The following ZNF385D variants were observed in gnomAD, a reference collection of about 807,000 sequenced individuals.
The protein encoded by ZNF385D is zinc finger protein 385D.
In ZNF385D, 15 loss-of-function variants were observed where a neutral mutation model predicts 35.8. The ratio of observed to expected loss-of-function variants is 0.42; its 90% CI spans 0.28 to 0.64. ZNF385D has a LOEUF of 0.64. ZNF385D is among the 30% of genes least tolerant of loss of function. The pLI, the probability that ZNF385D is intolerant of heterozygous loss-of-function variation, is 0.23. For missense variants in ZNF385D, 474 were observed against 494.6 expected, an observed-to-expected ratio of 0.96 and a Z score of 0.39; for synonymous variants, 212 against 186.8, an observed-to-expected ratio of 1.13 and a Z score of -1.10.
intron 3 of ZNF385D, among the ~76,000 whole-genome samples, chr3:21,931,326 A>C (rs757236222): frequency 6.6e-6 from 1 of 152,214 alleles, no homozygotes; most frequent in Non-Finnish European, 1.5e-5. Context: ...AGACACCAGA[A>C]CTGCACACAT....
chr3:21,722,586 A>C (rs1265204513), intron 1 of ZNF385D, among the ~76,000 whole-genome samples: 1 of 152,190 alleles, frequency 6.6e-6, no homozygotes, highest in Non-Finnish European at 1.5e-5. Flanking sequence ...AGTGCCTCTG[A>C]TATTCAGTGT....
chr3:21,984,078 T>G (rs1346448098), intron 3 of ZNF385D, among the ~76,000 whole-genome samples: 2 of 133,120 alleles, frequency 1.5e-5, no homozygotes, highest in Non-Finnish European at 3.1e-5. Flanking sequence ...CTTTGTCAGA[T>G]GAGTAGGTTG....
intron 3 of ZNF385D, among the ~76,000 whole-genome samples, chr3:21,903,527 T>A (rs1699521802): frequency 6.6e-6 from 1 of 152,142 alleles, no homozygotes; most frequent in Non-Finnish European, 1.5e-5. Flanking sequence ...AAATCAAAAT[T>A]GATGGCTGCT....
intron 2 of ZNF385D, 81 bp downstream of exon 2, chr3:21,664,805 A>G: frequency 1.2e-5 from 19 of 1,577,942 alleles, no homozygotes; most frequent in Non-Finnish European, 1.6e-5. Context: ...AAATGGAGGC[A>G]GTGGCCGAAC....
At chr3:21,481,426 A>G (rs1054851756) in intron 4 of ZNF385D, among the ~76,000 whole-genome samples, 11 of 152,174 alleles carry the variant, frequency 7.2e-5, no homozygotes, top group African/African-American at 2.7e-4. Flanking sequence ...ATTCTCCTCT[A>G]AAATGCCCCA....
At chr3:22,045,147 C>A (rs1698908861) in intron 3 of ZNF385D, among the ~76,000 whole-genome samples, 1 of 151,718 alleles carries the variant, frequency 6.6e-6, no homozygotes, top group East Asian at 1.9e-4. Context: ...TTCCCTGTGC[C>A]TTTTGGGTCA....
intron 2 of ZNF385D, among the ~76,000 whole-genome samples, chr3:21,570,261 C>G (rs916022400): frequency 2.0e-5 from 3 of 152,084 alleles, no homozygotes; most frequent in Non-Finnish European, 4.4e-5. Context: ...GACTGAAGAA[C>G]CTTTGCATTT....
At chr3:22,240,100 C>G (rs941742818) in intron 2 of ZNF385D, among the ~76,000 whole-genome samples, 1 of 147,852 alleles carries the variant, frequency 6.8e-6, no homozygotes, top group African/African-American at 2.5e-5. Context: ...GGAGGATCAC[C>G]TGAGCCCAGG....
At chr3:21,948,942 A>G (rs966192589) in intron 3 of ZNF385D, among the ~76,000 whole-genome samples, 2 of 152,186 alleles carry the variant, frequency 1.3e-5, no homozygotes, top group Non-Finnish European at 2.9e-5. Context: ...TTACATTGAC[A>G]AATTGCCCTC....
chr3:22,341,536 A>T (rs938931435), intron 2 of ZNF385D, among the ~76,000 whole-genome samples: 30 of 152,106 alleles, frequency 2.0e-4, no homozygotes, highest in Admixed American at 1.6e-3. Flanking sequence ...TCTTCAACTA[A>T]TTTTTTTAAG....
At chr3:22,145,016 G>C (rs545653214) in intron 3 of ZNF385D, among the ~76,000 whole-genome samples, 1 of 149,934 alleles carries the variant, frequency 6.7e-6, no homozygotes, top group African/African-American at 2.4e-5. Flanking sequence ...ACATATGTGT[G>C]TGTGTGTGTG....
chr3:22,372,368 G>A (rs1377937561), intron 2 of ZNF385D: 2 of 901,390 alleles, frequency 2.2e-6, no homozygotes, highest in African/African-American at 1.8e-5. Flanking sequence ...TATCCCGCAG[G>A]GGCGCAACCC....
intron 3 of ZNF385D, among the ~76,000 whole-genome samples, chr3:22,017,694 A>G (rs1170209201): frequency 6.6e-6 from 1 of 151,950 alleles, no homozygotes; most frequent in Non-Finnish European, 1.5e-5. Flanking sequence ...AAAGTGGTTC[A>G]CTTGGCAGCA....
intron 3 of ZNF385D, among the ~76,000 whole-genome samples, chr3:21,866,824 G>A (rs1242531959): frequency 6.6e-6 from 1 of 152,070 alleles, no homozygotes; most frequent in African/African-American, 2.4e-5. Context: ...GAATCATCAG[G>A]TAGTGATTAA....
intron 3 of ZNF385D, among the ~76,000 whole-genome samples, chr3:21,789,822 C>T (rs535281254): frequency 1.3e-5 from 2 of 152,266 alleles, no homozygotes; most frequent in South Asian, 2.1e-4. Flanking sequence ...CAATTTGGGG[C>T]CATAATAAAT....
intron 2 of ZNF385D, among the ~76,000 whole-genome samples, chr3:22,333,761 G>A (rs1479948612): frequency 2.6e-5 from 4 of 152,096 alleles, no homozygotes; most frequent in Non-Finnish European, 4.4e-5. Flanking sequence ...CTCCACCCTA[G>A]ACTAGATGAT....
At chr3:21,875,388 C>T (rs1298275406) in intron 3 of ZNF385D, among the ~76,000 whole-genome samples, 1 of 151,858 alleles carries the variant, frequency 6.6e-6, no homozygotes. Flanking sequence ...TTTCTGGCAC[C>T]CATTTGCTTT....
Position 21,664,994 on chromosome 3 carries a change from A to G in ZNF385D, c.57T>C (p.Leu19=). The change falls in exon 2 of 8, where the codon CTT becomes CTC. Residue 19 remains leucine (L), a synonymous_variant. Transcript: ENST00000281523. ...GTCQSPALPA[L]VRPPAPPLQP... ...GCAAAGGAGGGGCTGGTGGACGGAC[A>G]AGGGCCGGGAGAGCAGGACTCTGGC... 2 of 1,613,200 alleles carry G rather than the reference A, an allele frequency of 1.2e-6. No individual in the cohort carries two copies. The highest frequency in any genetic ancestry group is 1.7e-6 in the Non-Finnish European group (2 of 1,179,490).
intron 3 of ZNF385D, among the ~76,000 whole-genome samples, chr3:21,785,252 G>A (rs2071642359): frequency 6.6e-6 from 1 of 152,098 alleles, no homozygotes; most frequent in African/African-American, 2.4e-5. Flanking sequence ...AGGAATAATT[G>A]ACCATTAAAA....
Sources: allele counts gnomAD v4.1 joint callset (sites outside exome capture counted in the v4.1 genomes callset), GRCh38; gene constraint gnomAD v4.1.1; transcripts MANE v1.5; gene names NCBI Gene and HGNC (gene_info 2026-07-23, HGNC 2026-07-21).